LRBA: variants seen among roughly 807,000 people sequenced by gnomAD.
LRBA encodes the protein LPS responsive beige-like anchor protein.
LRBA carries 176 observed loss-of-function variants against 330.0 expected under a neutral mutation model. The observed-to-expected ratio is 0.53, with a 90% CI of 0.47 to 0.60. The LOEUF is 0.60. Ranked by LOEUF, LRBA falls within the 20% of genes least tolerant of loss-of-function variation. The pLI, the probability that LRBA is intolerant of heterozygous loss-of-function variation, is 0.00. For synonymous variants in LRBA, 1,230 were observed against 1,193.0 expected (o/e 1.03, Z -0.64); for missense variants, 3,259 against 3,444.8 (o/e 0.95, Z 1.35).
chr4:150,774,428 C>G (rs1378335799), intron 34 of LRBA, among the ~76,000 whole-genome samples: 1 of 152,164 alleles, frequency 6.6e-6, no homozygotes, highest in Non-Finnish European at 1.5e-5. Flanking sequence ...TTTCTCCTAT[C>G]TCTTTTCCCT....
chr4:150,335,767 G>C (rs961393830), intron 48 of LRBA, among the ~76,000 whole-genome samples: 12 of 152,068 alleles, frequency 7.9e-5, no homozygotes, highest in African/African-American at 2.2e-4. Context: ...TATGATCTCA[G>C]CTCACTGCAA....
chr4:150,909,733 T>A (rs761763448), intron 9 of LRBA, among the ~76,000 whole-genome samples: 2 of 152,168 alleles, frequency 1.3e-5, no homozygotes, highest in African/African-American at 2.4e-5. Context: ...TTGAGGAACC[T>A]CATATTGTTG....
chr4:150,285,230 G>A (rs1747998764), intron 54 of LRBA, among the ~76,000 whole-genome samples: 1 of 152,204 alleles, frequency 6.6e-6, no homozygotes, highest in Non-Finnish European at 1.5e-5. Flanking sequence ...ATACTTTGTT[G>A]TGTGTTCAGA....
At chr4:150,475,458 T>C (rs1485827521) in intron 42 of LRBA, among the ~76,000 whole-genome samples, 1 of 152,228 alleles carries the variant, frequency 6.6e-6, no homozygotes, top group Non-Finnish European at 1.5e-5. Flanking sequence ...ATTTTATTTA[T>C]GTGTTATAGG....
chr4:150,622,688 C>CTTTTTTTTTTTTTTTTTTTTTT (rs10528461), intron 37 of LRBA, among the ~76,000 whole-genome samples: 3 of 105,642 alleles, frequency 2.8e-5, no homozygotes, highest in African/African-American at 1.2e-4. Flanking sequence ...CTAAATCAAT[C>CTTTTTTTTTTTTTTTTTTTTTT]TTTTTTTTTT....
chr4:150,656,637 T>A (rs754912000), intron 37 of LRBA, among the ~76,000 whole-genome samples: 4 of 152,178 alleles, frequency 2.6e-5, no homozygotes, highest in Non-Finnish European at 4.4e-5. Context: ...TATGATAAAA[T>A]TCCCTTGATT....
At chr4:150,463,608 T>C (rs1385243318) in intron 44 of LRBA, among the ~76,000 whole-genome samples, 1 of 151,996 alleles carries the variant, frequency 6.6e-6, no homozygotes, top group Admixed American at 6.6e-5. Flanking sequence ...TACTGGGGCA[T>C]AAGGTAACCT....
At chr4:150,470,785 G>A (rs903832160) in intron 43 of LRBA, among the ~76,000 whole-genome samples, 2 of 150,964 alleles carry the variant, frequency 1.3e-5, no homozygotes, top group African/African-American at 4.9e-5. Flanking sequence ...AATTCTTATA[G>A]AATTTGTTCC....
At chr4:150,594,575 G>A (rs1377260989) in intron 38 of LRBA, among the ~76,000 whole-genome samples, 2 of 151,950 alleles carry the variant, frequency 1.3e-5, no homozygotes, top group African/African-American at 4.8e-5. Flanking sequence ...TAACATGATT[G>A]CTGTTTAAAT....
At chr4:150,407,948 A>C (rs1021740360) in intron 47 of LRBA, among the ~76,000 whole-genome samples, 1 of 152,144 alleles carries the variant, frequency 6.6e-6, no homozygotes, top group Non-Finnish European at 1.5e-5. Flanking sequence ...CTGATATTGG[A>C]AGAGAAGAAC....
chr4:150,637,034 A>G (rs1306458355), intron 37 of LRBA, among the ~76,000 whole-genome samples: 1 of 152,178 alleles, frequency 6.6e-6, no homozygotes, highest in Admixed American at 6.5e-5. Flanking sequence ...GTGTGATTAA[A>G]GGTAATTTTT....
intron 47 of LRBA, among the ~76,000 whole-genome samples, chr4:150,359,628 C>G (rs973065492): frequency 6.6e-6 from 1 of 151,906 alleles, no homozygotes; most frequent in Non-Finnish European, 1.5e-5. Flanking sequence ...TGAAATTAAC[C>G]CTTTGTTTTG....
chr4:150,813,345 T>A (rs949923513), intron 31 of LRBA, among the ~76,000 whole-genome samples: 2 of 152,108 alleles, frequency 1.3e-5, no homozygotes, highest in Non-Finnish European at 2.9e-5. Context: ...CTGATGAATA[T>A]CTTTTAATAC....
intron 50 of LRBA, among the ~76,000 whole-genome samples, chr4:150,319,045 T>C (rs1295169890): frequency 1.3e-5 from 2 of 152,140 alleles, no homozygotes; most frequent in East Asian, 3.9e-4. Flanking sequence ...AGCTTTGTAG[T>C]GAGGGACACC....
intron 40 of LRBA, among the ~76,000 whole-genome samples, chr4:150,548,083 G>A (rs988823946): frequency 1.3e-5 from 2 of 152,112 alleles, no homozygotes; most frequent in Non-Finnish European, 2.9e-5. Context: ...ATTAAGTCCT[G>A]TACGTTATAT....
At position 150,583,786 on chromosome 4, in the gene LRBA, G is replaced by T; in HGVS notation, c.6330+4262C>A. ...CGGCTGCCGAAACAAGTGCCTCTCAGTGCTGAAGACTCTGCGGGACCGCCA... is the reference window on the plus strand; with the variant it reads ...CGGCTGCCGAAACAAGTGCCTCTCATTGCTGAAGACTCTGCGGGACCGCCA... On this transcript the variant is annotated intron_variant, in intron 40 of 56. Coordinates refer to ENST00000651943, the MANE Select transcript of LRBA (RefSeq NM_001364905.1). The surrounding 1 kb of genome is among the most constrained non-coding windows in gnomAD (Gnocchi z 9.8). 6.2e-7 allele frequency: 1 copy of T among 1,614,174 alleles called. No individual in the cohort carries two copies. Among genetic ancestry groups the T allele is most frequent in the Non-Finnish European group, 8.5e-7 (1 of 1,180,036 alleles).
At chr4:150,858,824 T>C (rs976043187) in intron 22 of LRBA, among the ~76,000 whole-genome samples, 4 of 152,134 alleles carry the variant, frequency 2.6e-5, no homozygotes, top group Non-Finnish European at 4.4e-5. Flanking sequence ...GTCCAGCCAA[T>C]TTTGTAACTT....
Position 150,745,850 on chromosome 4 carries a change from C to A in LRBA, c.5646-10484G>T, listed in dbSNP as rs186535896. ...TTGTGTGTTCTATTTTCAAGAGAAC[C>A]GAAACATCCCTTTCTATCACTTAGT... On this transcript the variant is annotated intron_variant, in intron 35 of 56. Transcript: ENST00000651943. Among the ~76,000 whole-genome samples the A allele has an allele frequency of 3.3e-5, 5 of 152,038 alleles. No individual in the cohort carries two copies. In the East Asian group the frequency reaches 9.7e-4, roughly 29 times the overall value.
At chr4:150,299,012 G>A (rs1345082692) in intron 53 of LRBA, among the ~76,000 whole-genome samples, 1 of 151,948 alleles carries the variant, frequency 6.6e-6, no homozygotes, top group Non-Finnish European at 1.5e-5. Context: ...TATTCATCTT[G>A]CTTATCTAAA....
Sources: gnomAD v4.1 joint callset for allele counts (sites outside exome capture counted in the v4.1 genomes callset) on GRCh38, gnomAD v4.1.1 for gene constraint, Gnocchi (gnomAD v3.1) non-coding constraint, MANE v1.5 for transcripts, NCBI Gene and HGNC (gene_info 2026-07-23, HGNC 2026-07-21) for gene names.